Variants in UGT2B11 observed in about 807,000 individuals in gnomAD.
UGT2B11 encodes the protein UDP-glucuronosyltransferase 2B11.
In UGT2B11, 49 loss-of-function variants were observed where a neutral mutation model predicts 51.7. The observed-to-expected ratio is 0.95, with a 90% confidence interval of 0.75 to 1.20. The LOEUF is 1.20. UGT2B11 is among the 50% of genes most tolerant of loss of function. UGT2B11 has a pLI of 0.00. For synonymous variants in UGT2B11, 273 were observed against 209.0 expected (o/e 1.31, Z -2.64); for missense variants, 810 against 622.1 (o/e 1.30, Z -3.21).
At chr4:69,224,344 T>C in the UGT2B11 span, among the ~76,000 whole-genome samples, 8 of 152,092 alleles carry the variant, frequency 5.3e-5, no homozygotes, top group African/African-American at 7.2e-5. Flanking sequence ...CTAGAATGTC[T>C]GCTGATAACT....
chr4:69,210,651 G>A (rs1483336819), intron 2 of UGT2B11, among the ~76,000 whole-genome samples: 1 of 151,404 alleles, frequency 6.6e-6, no homozygotes, highest in South Asian at 2.1e-4. Context: ...TTCCCTTAAT[G>A]TGAATGGGGA....
the UGT2B11 span, among the ~76,000 whole-genome samples, chr4:69,223,431 A>T: frequency 6.6e-6 from 1 of 152,110 alleles, no homozygotes; most frequent in African/African-American, 2.4e-5. Flanking sequence ...ACTGGATTTA[A>T]CCATGCTTAC....
chr4:69,223,558 T>G, the UGT2B11 span, among the ~76,000 whole-genome samples: 1 of 152,208 alleles, frequency 6.6e-6, no homozygotes, highest in Non-Finnish European at 1.5e-5. Context: ...TGTTCCAGGG[T>G]GGCAAGGCCT....
intron 5 of UGT2B11, 144 bp from the exon 6 acceptor site, chr4:69,200,863 G>T (rs113140168): frequency 7.1e-6 from 8 of 1,121,128 alleles, no homozygotes; most frequent in Non-Finnish European, 8.2e-6. Context: ...TTTAATTTGA[G>T]TTATCATAGA....
the UGT2B11 span, among the ~76,000 whole-genome samples, chr4:69,224,354 T>C: frequency 6.6e-6 from 1 of 152,002 alleles, no homozygotes. Context: ...TGCTGATAAC[T>C]CCCAGGTGTA....
chr4:69,221,922 A>T, the UGT2B11 span, among the ~76,000 whole-genome samples: 14 of 152,384 alleles, frequency 9.2e-5, no homozygotes, highest in Middle Eastern at 3.4e-3. Flanking sequence ...CCTCTGGGGC[A>T]GTGCACCAAT....
chr4:69,218,761 G>C (rs778751614), upstream of UGT2B11, among the ~76,000 whole-genome samples: 12 of 152,086 alleles, frequency 7.9e-5, no homozygotes, highest in Non-Finnish European at 1.6e-4. Flanking sequence ...ATCCTCTGAA[G>C]GGAAAGAGTT....
At chr4:69,218,471 G>A (rs1722330728), upstream of UGT2B11, among the ~76,000 whole-genome samples, 6 of 151,994 alleles carry the variant, frequency 3.9e-5, no homozygotes, top group South Asian at 1.2e-3. Flanking sequence ...TATCAATATG[G>A]GAAAAGTAGA....
At chr4:69,215,100 G>C (rs1037835882), upstream of UGT2B11, 14 of 167,672 alleles carry the variant, frequency 8.3e-5, no homozygotes, top group Middle Eastern at 2.9e-3. Flanking sequence ...TGAATATCGT[G>C]GTTCAATGAA....
intron 2 of UGT2B11, among the ~76,000 whole-genome samples, chr4:69,209,164 G>A (rs1052698708): frequency 5.3e-5 from 8 of 151,784 alleles, no homozygotes; most frequent in Admixed American, 5.3e-4. Context: ...ATCAGTCTTG[G>A]GAGTCTCATT....
chr4:69,212,930 A>G (rs753838278), intron 1 of UGT2B11, among the ~76,000 whole-genome samples: 33 of 151,236 alleles, frequency 2.2e-4, no homozygotes, highest in Non-Finnish European at 4.6e-4. Flanking sequence ...TGGGAGAATT[A>G]TGAGGTTAAG....
chr4:69,206,404 A>G (rs936073903), intron 3 of UGT2B11, among the ~76,000 whole-genome samples: 8 of 151,716 alleles, frequency 5.3e-5, no homozygotes, highest in Admixed American at 2.6e-4. Flanking sequence ...GTCCTCACTT[A>G]TGAGTGGAAG....
chr4:69,209,949 T>G (rs1427744435), intron 2 of UGT2B11, among the ~76,000 whole-genome samples: 2 of 151,594 alleles, frequency 1.3e-5, no homozygotes, highest in African/African-American at 4.8e-5. Flanking sequence ...AAAAAATAAT[T>G]TTTCTAAAAT....
the UGT2B11 span, among the ~76,000 whole-genome samples, chr4:69,222,920 G>A: frequency 6.6e-6 from 1 of 152,150 alleles, no homozygotes; most frequent in Non-Finnish European, 1.5e-5. Flanking sequence ...CTGGATGGAG[G>A]AGAGTCAGTG....
rs546010615 is a variant in UGT2B11, at chr4:69,207,828, G to C, written c.1002+523C>G. Among the ~76,000 whole-genome samples the C allele has an allele frequency of 1.7e-4, 26 of 151,728 alleles. No homozygotes were observed. The East Asian group carries it at 4.3e-3, about 25-fold the overall frequency. On this transcript the variant is annotated intron_variant, in intron 3 of 5. Coordinates refer to ENST00000446444, the MANE Select transcript of UGT2B11 (RefSeq NM_001073.3). ...TAATAGAGGTGGCCCAAGAGTAAGT[G>C]AAATCTTCTTCACTCATTGGATACT... is the stretch of plus-strand genomic sequence containing the variant.
At chr4:69,213,729 G>A (rs977230104) in intron 1 of UGT2B11, among the ~76,000 whole-genome samples, 2 of 151,850 alleles carry the variant, frequency 1.3e-5, no homozygotes, top group Admixed American at 1.3e-4. Flanking sequence ...TAGTAAAACA[G>A]ATGTGTAATT....
chr4:69,208,406 A>T lies in UGT2B11; in HGVS notation c.947T>A (p.Met316Lys), dbSNP rs758980823. ...AATTACATTGGCCCTTTCTGCTGTC[A>T]TGTTACTTATCACTGACCCCAGAGA... ...VFSLGSVISN[M>K]TAERANVIAT... The change falls in exon 3 of 6, where the codon ATG becomes AAG. Residue 316 changes from methionine (M) to lysine (K), a missense_variant. Met to Lys is a moderately conservative substitution (Grantham distance 95). Coordinates refer to ENST00000446444, the MANE Select transcript of UGT2B11 (RefSeq NM_001073.3). 3 of 1,610,820 alleles carry T rather than the reference A, an allele frequency of 1.9e-6. No homozygotes were observed. The South Asian group carries it at 3.3e-5, about 18-fold the overall frequency.
Position 69,200,229 on chromosome 4 carries a change from C to T in UGT2B11, c.*211G>A, listed in dbSNP as rs78090165. 0.04 allele frequency: 24,906 copies of T among 615,348 alleles called. 676 individuals are homozygous for T. The highest frequency in any genetic ancestry group is 0.099 in the South Asian group (1,839 of 18,556). The allele number at this position is 615,348 out of a possible 1,614,324, so 38.1% of individuals were successfully genotyped here. The stretch of plus-strand genomic sequence containing the variant: ...TTTTTAATTTTCCTAGTATTTTCTT[C>T]ATTGCCACAAAATATTTCTAACCAT... On this transcript the variant is annotated 3_prime_UTR_variant, in exon 6 of 6. Transcript: ENST00000446444.
chr4:69,209,805 G>A (rs950311293), intron 2 of UGT2B11, among the ~76,000 whole-genome samples: 47 of 151,384 alleles, frequency 3.1e-4, no homozygotes, highest in African/African-American at 1.1e-3. Context: ...TTTTCTACTA[G>A]GTGTTGAAGG....
Sources: allele counts gnomAD v4.1 joint callset (sites outside exome capture counted in the v4.1 genomes callset), GRCh38; gene constraint gnomAD v4.1.1; transcripts MANE v1.5; gene names NCBI Gene and HGNC (gene_info 2026-07-23, HGNC 2026-07-21).